The following CCNY variants were observed in gnomAD, a reference collection of about 807,000 sequenced individuals.
The protein encoded by CCNY is cyclin Y.
Under a neutral mutation model 42.8 loss-of-function variants are expected in CCNY, and 19 were observed. The ratio of observed to expected loss-of-function variants is 0.44; its 90% CI spans 0.31 to 0.65. CCNY has a LOEUF of 0.65. CCNY is among the 30% of genes least tolerant of loss of function. CCNY has a pLI of 0.07. For synonymous variants in CCNY, 165 were observed against 162.7 expected (o/e 1.01, Z -0.11); for missense variants, 370 against 437.3 (o/e 0.85, Z 1.37).
chr10:35,528,709 G>C (rs746691497), intron 5 of CCNY, among the ~76,000 whole-genome samples: 1 of 152,140 alleles, frequency 6.6e-6, no homozygotes, highest in Non-Finnish European at 1.5e-5. Flanking sequence ...TGGTGACAGA[G>C]CAAGACTCCG....
chr10:35,253,644 G>C (rs887737274), intron 3 of CCNY, among the ~76,000 whole-genome samples: 44 of 151,244 alleles, frequency 2.9e-4, no homozygotes, highest in African/African-American at 1.0e-3. Flanking sequence ...GTGTTTTCTC[G>C]AGTTCTCTGA....
intron 1 of CCNY, among the ~76,000 whole-genome samples, chr10:35,401,214 A>G (rs2135229310): frequency 6.6e-6 from 1 of 152,364 alleles, no homozygotes; most frequent in South Asian, 2.1e-4. Flanking sequence ...CTCAGGTTTA[A>G]TAAGAATAGA....
chr10:35,336,978 G>C lies in CCNY; in HGVS notation c.-76G>C. 8.3e-7 allele frequency: 1 copy of C among 1,197,942 alleles called. No individual in the cohort carries two copies. The highest frequency in any genetic ancestry group is 1.1e-6 in the Non-Finnish European group (1 of 941,306). 74.2% of individuals were successfully genotyped at this position (1,197,942 alleles called of 1,614,324 possible). On this transcript the variant is annotated 5_prime_UTR_variant, in exon 1 of 10. Transcript: ENST00000374704. ...CTCCCCACACGCCCCCGCCGCCCGC[G>C]CCCCGCGTCCACCCGCGCCCCGCTC...
chr10:35,352,843 C>T (rs1056569606), intron 1 of CCNY, among the ~76,000 whole-genome samples: 4 of 151,898 alleles, frequency 2.6e-5, no homozygotes, highest in African/African-American at 4.8e-5. Context: ...GGCAGTGAGG[C>T]AGAGGCCGGT....
chr10:35,482,473 C>G (rs1484747126), intron 1 of CCNY, among the ~76,000 whole-genome samples: 2 of 152,174 alleles, frequency 1.3e-5, no homozygotes, highest in African/African-American at 4.8e-5. Flanking sequence ...TGGAAAAACT[C>G]TTCTGTGATG....
rs1841637868 is a variant in CCNY at position 35,569,272 on chromosome 10, C to CT, written c.*109dup. ...TTGTTTTTGTTTTTTCTTTCCTTTT[C>CT]TTTTTTTACGCATAGCTCCGTCAAG... On this transcript the variant is annotated 3_prime_UTR_variant, in exon 10 of 10. Coordinates refer to ENST00000374704, the MANE Select transcript of CCNY (RefSeq NM_145012.6). The CT allele has an allele frequency of 2.0e-5, 15 of 763,468 alleles. No homozygotes were observed. The highest frequency in any genetic ancestry group is 4.5e-5 in the South Asian group (3 of 66,794). 47.3% of individuals were successfully genotyped at this position (763,468 alleles called of 1,614,324 possible).
intron 3 of CCNY, among the ~76,000 whole-genome samples, chr10:35,509,263 G>T (rs11010213): frequency 0.28 from 41,930 of 151,862 alleles, 6,087 homozygotes; most frequent in East Asian, 0.35. Flanking sequence ...CCTGCTAAAA[G>T]CTGTACCCTT....
At chr10:35,252,819 C>T (rs940233953) in intron 3 of CCNY, among the ~76,000 whole-genome samples, 5 of 152,084 alleles carry the variant, frequency 3.3e-5, no homozygotes, top group Non-Finnish European at 7.4e-5. Flanking sequence ...ACCTCTGTTT[C>T]GTCTTGTAGT....
chr10:35,322,791 C>T (rs1331868526), intron 3 of CCNY, among the ~76,000 whole-genome samples: 1 of 152,176 alleles, frequency 6.6e-6, no homozygotes, highest in Non-Finnish European at 1.5e-5. Flanking sequence ...TGAGATACCA[C>T]TACGTATCCA....
At chr10:35,474,856 G>A (rs1839471971) in intron 1 of CCNY, among the ~76,000 whole-genome samples, 1 of 152,118 alleles carries the variant, frequency 6.6e-6, no homozygotes, top group South Asian at 2.1e-4. Context: ...TCTGAGCTAC[G>A]GGAGGACATT....
intron 1 of CCNY, among the ~76,000 whole-genome samples, chr10:35,356,577 T>A (rs968709482): frequency 6.6e-6 from 1 of 152,102 alleles, no homozygotes; most frequent in Admixed American, 6.6e-5. Flanking sequence ...GGGTGGTGCT[T>A]CTTCAGAAAA....
intron 1 of CCNY, among the ~76,000 whole-genome samples, chr10:35,380,107 C>T (rs1361898254): frequency 6.6e-6 from 1 of 152,254 alleles, no homozygotes; most frequent in Middle Eastern, 3.4e-3. Flanking sequence ...GTTTTGGAAG[C>T]GAGTAGGACT....
At chr10:35,318,576 A>G (rs760716920) in intron 3 of CCNY, among the ~76,000 whole-genome samples, 25 of 152,174 alleles carry the variant, frequency 1.6e-4, no homozygotes, top group Non-Finnish European at 3.7e-4. Context: ...ATTGTAAACT[A>G]AAATGTGACA....
chr10:35,336,463 G>GGGCTGC (rs1836028793), upstream of CCNY: 1 of 151,420 alleles, frequency 6.6e-6, no homozygotes, highest in African/African-American at 2.4e-5. Context: ...GGCGGGGCGG[G>GGGCTGC]GGCTGCGGCG....
chr10:35,405,931 C>T (rs904508838), intron 1 of CCNY, among the ~76,000 whole-genome samples: 4 of 152,280 alleles, frequency 2.6e-5, no homozygotes, highest in East Asian at 1.9e-4. Flanking sequence ...GCCAGATTTC[C>T]GGCACTTGAA....
At chr10:35,484,401 G>A (rs1839740745) in intron 2 of CCNY, among the ~76,000 whole-genome samples, 1 of 152,102 alleles carries the variant, frequency 6.6e-6, no homozygotes, top group African/African-American at 2.4e-5. Context: ...AATGTTATTG[G>A]GAATCTTTAG....
intron 1 of CCNY, among the ~76,000 whole-genome samples, chr10:35,411,044 G>C (rs924547345): frequency 1.3e-5 from 2 of 152,100 alleles, no homozygotes; most frequent in African/African-American, 4.8e-5. Context: ...ATTTTAACTC[G>C]GACAGTTGTC....
intron 1 of CCNY, among the ~76,000 whole-genome samples, chr10:35,345,861 C>T (rs1174927064): frequency 1.3e-5 from 2 of 152,226 alleles, no homozygotes; most frequent in African/African-American, 4.8e-5. Flanking sequence ...CATTACTCTT[C>T]TGAGTTGCAT....
At chr10:35,419,583 C>T (rs975956941) in intron 1 of CCNY, among the ~76,000 whole-genome samples, 21 of 145,206 alleles carry the variant, frequency 1.4e-4, no homozygotes, top group African/African-American at 4.5e-4. Flanking sequence ...GATAAGTTAT[C>T]GGTCTGAGGA....
Sources: allele counts gnomAD v4.1 joint callset (sites outside exome capture counted in the v4.1 genomes callset), GRCh38; gene constraint gnomAD v4.1.1; transcripts MANE v1.5; gene names NCBI Gene and HGNC (gene_info 2026-07-23, HGNC 2026-07-21).